The following EIF3B variants were observed in gnomAD, a reference collection of about 807,000 sequenced individuals.
The protein encoded by EIF3B is eukaryotic translation initiation factor 3 subunit 9.
Under a neutral mutation model 104.6 loss-of-function variants are expected in EIF3B, and 10 were observed. That is an observed-to-expected ratio of 0.10 (90% confidence interval 0.06 to 0.16). The LOEUF is 0.16. EIF3B is among the 10% of genes least tolerant of loss of function. The pLI is 1.00. For synonymous variants in EIF3B, 542 were observed against 417.2 expected (o/e 1.30, Z -3.65); for missense variants, 1,014 against 1,087.9 (o/e 0.93, Z 0.96).
chr7:2,367,801 CGGT>C (rs1749681877), intron 9 of EIF3B, among the ~76,000 whole-genome samples: 1 of 138,702 alleles, frequency 7.2e-6, no homozygotes, highest in Non-Finnish European at 1.5e-5. Context: ...GGAGAGAAAA[CGGT>C]GAGTTTGTTC....
At chr7:2,356,103 G>C (rs758218960) in intron 1 of EIF3B, among the ~76,000 whole-genome samples, 1 of 152,122 alleles carries the variant, frequency 6.6e-6, no homozygotes, top group Non-Finnish European at 1.5e-5. Flanking sequence ...TTTTCCTGAA[G>C]CTACTTCTGA....
chr7:2,372,422 C>G (rs952357665), intron 11 of EIF3B, among the ~76,000 whole-genome samples: 2 of 152,192 alleles, frequency 1.3e-5, no homozygotes, highest in African/African-American at 4.8e-5. Flanking sequence ...CTCCTGCGGT[C>G]CTGCTGTGGG....
chr7:2,355,175 C>T lies in EIF3B; in HGVS notation c.254C>T (p.Ser85Leu), dbSNP rs1779331206. The T allele has an allele frequency of 1.4e-6, 2 of 1,463,172 alleles. No individual in the cohort carries two copies. Among genetic ancestry groups the T allele is most frequent in the East Asian group, 5.9e-5 (2 of 33,966 alleles). 90.6% of individuals were successfully genotyped at this position (1,463,172 alleles called of 1,614,324 possible). Residue 85 changes from serine (S) to leucine (L), a missense_variant, in exon 1 of 19, where the codon TCG becomes TTG. Ser to Leu is a moderately radical substitution (Grantham distance 145). This residue lies in a region of EIF3B where 488 missense variants were observed against 404.3 expected (regional missense o/e 1.21). Transcript: ENST00000360876. Reference sequence around the variant, plus strand: ...GCCTCCGGCCCGTCCGAGTCGCCCTCGCCGCCGGCCGCCGAGGAGCTGCCC... The same window carrying T: ...GCCTCCGGCCCGTCCGAGTCGCCCTTGCCGCCGGCCGCCGAGGAGCTGCCC... ...EAASGPSESP[S>L]PPAAEELPGS...
chr7:2,356,385 G>A (rs182117281), intron 1 of EIF3B, among the ~76,000 whole-genome samples: 33 of 141,026 alleles, frequency 2.3e-4, no homozygotes, highest in South Asian at 6.4e-4. Flanking sequence ...GGCCGAGACG[G>A]GTGGATCACG....
At chr7:2,356,847 A>G (rs1779473212) in intron 1 of EIF3B, among the ~76,000 whole-genome samples, 1 of 151,746 alleles carries the variant, frequency 6.6e-6, no homozygotes, top group Non-Finnish European at 1.5e-5. Context: ...CCATTACTAT[A>G]TTACACTTTT....
chr7:2,359,017 C>T (rs1177301971), intron 1 of EIF3B, among the ~76,000 whole-genome samples: 2 of 152,052 alleles, frequency 1.3e-5, no homozygotes, highest in Non-Finnish European at 2.9e-5. Context: ...CCAGGAGTTC[C>T]AGGCTAGCCT....
chr7:2,377,044 C>A lies in EIF3B; in HGVS notation c.2123C>A (p.Pro708His), dbSNP rs1411313858. Reference protein sequence around the residue: ...RFCQLLWRPRPPTLLSQEQIK... With the variant: ...RFCQLLWRPRHPTLLSQEQIK... ...TGCCAGCTGCTGTGGCGGCCCCGGC[C>A]TCCCACACTCCTGAGCCAGGAACAG... Residue 708 changes from proline to histidine, a missense_variant, in exon 15 of 19, where the codon CCT becomes CAT. By Grantham distance (77) the Pro-to-His change is moderately conservative. Coordinates refer to ENST00000360876, the MANE Select transcript of EIF3B (RefSeq NM_001037283.2). The A allele has an allele frequency of 3.1e-6, 5 of 1,613,570 alleles. No individual in the cohort carries two copies.
chr7:2,355,518 G>T lies in EIF3B; in HGVS notation c.499+98G>T, dbSNP rs1348121010. ...TCGGGCTGTGCCACCGGTTCGTGCA[G>T]AAGTTCCAGCGAGGGTGTCCGTGTG... is the stretch of plus-strand genomic sequence containing the variant. On this transcript the variant is annotated intron_variant, in intron 1 of 18. Transcript: ENST00000360876. 5.8e-6 allele frequency: 8 copies of T among 1,383,254 alleles called. No homozygotes were observed. The East Asian group carries it at 2.3e-4, about 40-fold the overall frequency. 85.7% of individuals were successfully genotyped at this position (1,383,254 alleles called of 1,614,324 possible). A position where few individuals can be genotyped will look rare whatever the true frequency, so the allele number is the denominator to read the frequency against.
At chr7:2,366,264 T>G in intron 6 of EIF3B, 53 bp from the exon 7 acceptor site, 1 of 1,524,748 alleles carries the variant, frequency 6.6e-7, no homozygotes, top group Non-Finnish European at 8.8e-7. Context: ...ACAGACAGAC[T>G]GTGATCCTCT....
In EIF3B at chr7:2,354,851, C is replaced by G. The variant is rs1219866681; in HGVS notation, c.-71C>G. The G allele has an allele frequency of 3.8e-6, 4 of 1,066,292 alleles. No individual in the cohort carries two copies. The African/African-American group carries it at 6.8e-5, about 18-fold the overall frequency. The allele number at this position is 1,066,292 out of a possible 1,614,324, so 66.1% of individuals were successfully genotyped here. Reference sequence around the variant, plus strand: ...CATGGCTGGGCTGTAGCCGTCGCGGCGCGCGGTGCGGCCTGGGAGAGTCGG... The same window carrying G: ...CATGGCTGGGCTGTAGCCGTCGCGGGGCGCGGTGCGGCCTGGGAGAGTCGG... On this transcript the variant is annotated 5_prime_UTR_variant, in exon 1 of 19. Coordinates refer to ENST00000360876, the MANE Select transcript of EIF3B (RefSeq NM_001037283.2).
intron 6 of EIF3B, among the ~76,000 whole-genome samples, chr7:2,365,277 C>G (rs12540957): frequency 6.6e-6 from 1 of 152,130 alleles, no homozygotes; most frequent in South Asian, 2.1e-4. Flanking sequence ...CTAGCTAATC[C>G]GGCTGTCGGA....
Position 2,379,482 on chromosome 7 carries a change from C to T in EIF3B, c.2430C>T (p.Leu810=), listed in dbSNP as rs958869064. 3.2e-6 allele frequency: 5 copies of T among 1,575,134 alleles called. No individual in the cohort carries two copies. The highest frequency in any genetic ancestry group is 1.9e-5 in the Admixed American group (1 of 53,674). The part of the protein sequence containing the change: ...EFFVTEEIIP[L]GNQE ...TCGTCACTGAAGAAATCATTCCCCT[C>T]GGGAATCAGGAGTGACCTGGAGCAC... Residue 810 remains leucine, a synonymous_variant, in exon 18 of 19, where the codon CTC becomes CTT. Transcript: ENST00000360876.
At chr7:2,363,311 C>A (rs571907610) in intron 4 of EIF3B, among the ~76,000 whole-genome samples, 184 bp downstream of exon 4, 1 of 152,100 alleles carries the variant, frequency 6.6e-6, no homozygotes, top group South Asian at 2.1e-4. Flanking sequence ...TAAATACATA[C>A]ATTAGCTGGG....
At chr7:2,375,562 T>C in intron 14 of EIF3B, 35 bp downstream of exon 14, 2 of 1,613,386 alleles carry the variant, frequency 1.2e-6, no homozygotes, top group Non-Finnish European at 1.7e-6. Context: ...TGACTGTGGA[T>C]AGAAGCAGGG....
intron 6 of EIF3B, 112 bp from the exon 7 acceptor site, chr7:2,366,205 T>G: frequency 5.1e-6 from 6 of 1,177,440 alleles, no homozygotes; most frequent in Non-Finnish European, 7.1e-6. Flanking sequence ...CAGTGTGGGG[T>G]TTGGGGAGAG....
chr7:2,373,734 C>T (rs1780482770), intron 12 of EIF3B: 1 of 151,232 alleles, frequency 6.6e-6, no homozygotes, highest in African/African-American at 2.5e-5. Context: ...CAAGCAGAGG[C>T]ACCTTGTACC....
chr7:2,370,882 A>G (rs956530777), intron 10 of EIF3B, among the ~76,000 whole-genome samples: 3 of 152,078 alleles, frequency 2.0e-5, no homozygotes, highest in African/African-American at 4.8e-5. Flanking sequence ...AGGGTTTAGT[A>G]GAAACCCCGT....
At position 2,379,479 on chromosome 7, in the gene EIF3B, C is replaced by A; in HGVS notation, c.2427C>A (p.Pro809=). ...IEFFVTEEII[P]LGNQE ...TCTTCGTCACTGAAGAAATCATTCC[C>A]CTCGGGAATCAGGAGTGACCTGGAG... Residue 809 remains proline, a synonymous_variant, in exon 18 of 19, where the codon CCC becomes CCA. Transcript: ENST00000360876. 1.3e-6 allele frequency: 2 copies of A among 1,576,532 alleles called. No homozygotes were observed. Among genetic ancestry groups the A allele is most frequent in the Non-Finnish European group, 1.7e-6 (2 of 1,160,416 alleles).
chr7:2,366,716 C>T (rs1412632162), intron 8 of EIF3B, 125 bp downstream of exon 8: 3 of 1,115,966 alleles, frequency 2.7e-6, no homozygotes, highest in South Asian at 1.5e-5. Flanking sequence ...AAAGGCCTGT[C>T]TCCTGTGCCT....
Sources: allele counts gnomAD v4.1 joint callset (sites outside exome capture counted in the v4.1 genomes callset), GRCh38; gene constraint gnomAD v4.1.1; regional missense constraint gnomAD v4.1.1; transcripts MANE v1.5; gene names NCBI Gene and HGNC (gene_info 2026-07-23, HGNC 2026-07-21).